APOBEC3G: variants seen among roughly 807,000 people sequenced by gnomAD.
APOBEC3G encodes the protein DNA dC->dU-editing enzyme APOBEC-3G.
In APOBEC3G, 44 loss-of-function variants were observed where a neutral mutation model predicts 50.0. The ratio of observed to expected loss-of-function variants is 0.88; its 90% CI spans 0.69 to 1.13. The LOEUF (loss-of-function observed/expected upper bound fraction) is 1.13. Among genes scored for constraint, APOBEC3G ranks in the 50% most tolerant of loss-of-function variants. APOBEC3G has a pLI of 0.00. For synonymous variants in APOBEC3G, 156 were observed against 175.3 expected (o/e 0.89, Z 0.87); for missense variants, 469 against 492.0 (o/e 0.95, Z 0.44).
chr22:39,087,368 G>A (rs1006810583), intron 7 of APOBEC3G, 39 bp from the exon 8 acceptor site: 6 of 1,613,754 alleles, frequency 3.7e-6, no homozygotes, highest in East Asian at 2.2e-5. Context: ...CTTTCCACTC[G>A]CTCACCCTTT....
At chr22:39,081,694 G>A in intron 4 of APOBEC3G, 109 bp downstream of exon 4, 1 of 869,356 alleles carries the variant, frequency 1.2e-6, no homozygotes, top group Non-Finnish European at 1.8e-6. Flanking sequence ...AGGCCCTCCT[G>A]CCTTCCCTCC....
In APOBEC3G at chr22:39,081,012, A is replaced by G; in HGVS notation, c.251A>G (p.Gln84Arg). The change falls in exon 3 of 8, where the codon CAG becomes CGG. Residue 84 changes from glutamine to arginine, a missense_variant. Coordinates refer to ENST00000407997, the MANE Select transcript of APOBEC3G (RefSeq NM_021822.4). ...FSKWRKLHRDQEYEVTWYISW... is the reference protein window; with the variant it reads ...FSKWRKLHRDREYEVTWYISW... ...AAGTGGAGGAAGCTGCATCGTGACC[A>G]GGAGTATGAGGTCACCTGGTACATA... is the stretch of plus-strand genomic sequence containing the variant. 1 of 1,614,126 alleles carries G rather than the reference A, an allele frequency of 6.2e-7. No individual in the cohort carries two copies. The highest frequency in any genetic ancestry group is 8.5e-7 in the Non-Finnish European group (1 of 1,180,034).
chr22:39,085,537 T>C lies in APOBEC3G; in HGVS notation c.736-742T>C, dbSNP rs116881454. On this transcript the variant is annotated intron_variant, in intron 5 of 7. Coordinates refer to ENST00000407997, the MANE Select transcript of APOBEC3G (RefSeq NM_021822.4). ...GTGCAGAATGAGAGGATGCTCCAAATACTCAGTATCAGAGAAATCTCATCG... is the reference window on the plus strand; with the variant it reads ...GTGCAGAATGAGAGGATGCTCCAAACACTCAGTATCAGAGAAATCTCATCG... 4.0e-4 allele frequency among the ~76,000 whole-genome samples: 61 copies of C among 152,336 alleles called. No homozygotes were observed. In the East Asian group the frequency reaches 9.4e-3, roughly 24 times the overall value.
intron 4 of APOBEC3G, 115 bp downstream of exon 4, chr22:39,081,700 C>T: frequency 1.3e-6 from 1 of 785,366 alleles, no homozygotes. Context: ...TCCTGCCTTC[C>T]CTCCTGCCCC....
In APOBEC3G at chr22:39,087,113, G is replaced by T. The variant is rs761903353; in HGVS notation, c.1127G>T (p.Arg376Leu). The T allele has an allele frequency of 2.5e-6, 4 of 1,613,952 alleles. No homozygotes were observed. The South Asian group carries it at 4.4e-5, about 18-fold the overall frequency. The change falls in exon 7 of 8, where the codon CGG (arginine) becomes CTG (leucine). Residue 376 changes from arginine (R) to leucine (L), a missense_variant. Coordinates refer to ENST00000407997, the MANE Select transcript of APOBEC3G (RefSeq NM_021822.4). ...AGCCAAGACCTGAGTGGGAGGCTGC[G>T]GGCCATTCTCCAGGTGAGGGCTTCT... ...EHSQDLSGRL[R>L]AILQNQEN
At chr22:39,077,080 A>G (rs1928182499), upstream of APOBEC3G, 1 of 573,900 alleles carries the variant, frequency 1.7e-6, no homozygotes, top group Admixed American at 3.0e-5. Context: ...TCCCTTTGCA[A>G]TTGCCTTGGG....
In APOBEC3G at chr22:39,080,756, T is replaced by C. The variant is rs959335121; in HGVS notation, c.172-177T>C. Reference sequence around the variant, plus strand: ...TTAAGGCCATTACCATAGCAATTAATACTGAACATGAGCTTTGGAGCAGAC... The same window carrying C: ...TTAAGGCCATTACCATAGCAATTAACACTGAACATGAGCTTTGGAGCAGAC... On this transcript the variant is annotated intron_variant, in intron 2 of 7. Transcript: ENST00000407997. The C allele has an allele frequency of 1.9e-4, 121 of 638,356 alleles. No individual in the cohort carries two copies. The South Asian group carries it at 2.3e-3, about 12-fold the overall frequency. The allele number at this position is 638,356 out of a possible 1,614,324, so 39.5% of individuals were successfully genotyped here.
intron 4 of APOBEC3G, chr22:39,082,775 G>C (rs1215771147): frequency 6.6e-6 from 1 of 152,280 alleles, no homozygotes; most frequent in Admixed American, 6.5e-5. Flanking sequence ...TGGGTGGGGA[G>C]TGCAGGGGTT....
intron 6 of APOBEC3G, 26 bp from the exon 7 acceptor site, chr22:39,086,985 G>A (rs1928723325): frequency 1.3e-6 from 2 of 1,578,390 alleles, no homozygotes; most frequent in Non-Finnish European, 1.7e-6. Context: ...GCGGGAGTGT[G>A]ACTTATCTCC....
rs1168174864 is a variant in APOBEC3G, at chr22:39,081,152, T to A, written c.391T>A (p.Tyr131Asn). Residue 131 changes from tyrosine to asparagine, a missense_variant, in exon 3 of 8, where the codon TAC becomes AAC. Transcript: ENST00000407997. ...CCTCTACTACTTCTGGGACCCAGAT[T>A]ACCAGGAGGCGCTTCGCAGCCTGTG... Reference protein sequence around the residue: ...ARLYYFWDPDYQEALRSLCQK... With the variant: ...ARLYYFWDPDNQEALRSLCQK... 1 of 1,614,110 alleles carries A rather than the reference T, an allele frequency of 6.2e-7. No individual in the cohort carries two copies. The highest frequency in any genetic ancestry group is 2.2e-5 in the East Asian group (1 of 44,904).
At position 39,087,695 on chromosome 22, in the gene APOBEC3G, A is replaced by T. The variant is rs55895657; in HGVS notation, c.*274A>T. The stretch of plus-strand genomic sequence containing the variant: ...ACCTACTAATCCAGCGACAATTTGA[A>T]TCGGTTTTGTAGGTAGAGGAATAAA... On this transcript the variant is annotated 3_prime_UTR_variant, in exon 8 of 8. Coordinates refer to ENST00000407997, the MANE Select transcript of APOBEC3G (RefSeq NM_021822.4). 819 of 558,352 alleles carry T rather than the reference A, an allele frequency of 1.5e-3. 1 individual carries two copies. The highest frequency in any genetic ancestry group is 5.5e-3 in the Middle Eastern group (11 of 1,982). The allele number at this position is 558,352 out of a possible 1,614,324, so 34.6% of individuals were successfully genotyped here. A position where few individuals can be genotyped will look rare whatever the true frequency, so the allele number is the denominator to read the frequency against.
chr22:39,083,981 A>C (rs1465835543), intron 5 of APOBEC3G, 97 bp downstream of exon 5: 14 of 1,431,462 alleles, frequency 9.8e-6, no homozygotes, highest in Non-Finnish European at 1.3e-5. Context: ...TGTCCTGCAG[A>C]GTGTCTGTCA....
chr22:39,084,609 G>A (rs1036348687), intron 5 of APOBEC3G, among the ~76,000 whole-genome samples: 2 of 152,152 alleles, frequency 1.3e-5, no homozygotes, highest in Admixed American at 6.5e-5. Context: ...ATTCAGAACT[G>A]TGGGATTTGA....
In APOBEC3G at chr22:39,081,458, T is replaced by C. The variant is rs748835644; in HGVS notation, c.467-13T>C. 3 of 1,613,266 alleles carry C rather than the reference T, an allele frequency of 1.9e-6. No homozygotes were observed. Among genetic ancestry groups the C allele is most frequent in the Non-Finnish European group, 2.5e-6 (3 of 1,179,264 alleles). ...CAGCTGGGCTTGACTGCGTTCTCTC[T>C]TCTTTTTCTTAGAATTTCAGCACTG... On this transcript the variant is annotated splice_polypyrimidine_tract_variant and intron_variant, in intron 3 of 7. Transcript: ENST00000407997.
At chr22:39,079,258 G>A (rs1363321417) in intron 2 of APOBEC3G, 173 bp downstream of exon 2, 33 of 916,278 alleles carry the variant, frequency 3.6e-5, no homozygotes, top group Non-Finnish European at 5.0e-5. Flanking sequence ...GGATCGGATC[G>A]TGGAGGGGGT....
At position 39,079,078 on chromosome 22, in the gene APOBEC3G, G is replaced by A. The variant is rs367793502; in HGVS notation, c.164G>A (p.Arg55Gln). Residue 55 changes from arginine to glutamine, a missense_variant, in exon 2 of 8, where the codon CGA becomes CAA. Transcript: ENST00000407997. ...CCCCCTTTGGACGCAAAGATCTTTC[G>A]AGGCCAGGTACCACCCGGACTCCAA... ...SRPPLDAKIF[R>Q]GQVYSELKYH... 6.2e-7 allele frequency: 1 copy of A among 1,614,068 alleles called. No homozygotes were observed. Among genetic ancestry groups the A allele is most frequent in the Non-Finnish European group, 8.5e-7 (1 of 1,179,994 alleles).
chr22:39,087,367 C>A (rs753435735), intron 7 of APOBEC3G, 40 bp from the exon 8 acceptor site: 1 of 1,613,970 alleles, frequency 6.2e-7, no homozygotes, highest in Non-Finnish European at 8.5e-7. Flanking sequence ...ACTTTCCACT[C>A]GCTCACCCTT....
In APOBEC3G at chr22:39,079,343, G is replaced by A. The variant is rs1928325658; in HGVS notation, c.171+258G>A. 4 of 431,448 alleles carry A rather than the reference G, an allele frequency of 9.3e-6. No homozygotes were observed. The Admixed American group carries it at 1.3e-4, about 14-fold the overall frequency. 26.7% of individuals were successfully genotyped at this position (431,448 alleles called of 1,614,324 possible). The stretch of plus-strand genomic sequence containing the variant: ...TTTTCTTTTTTTTTTTTGAGACAGA[G>A]TTTCACTCTTGTTGCTCAGGCTGGA... On this transcript the variant is annotated intron_variant, in intron 2 of 7. Coordinates refer to ENST00000407997, the MANE Select transcript of APOBEC3G (RefSeq NM_021822.4).
chr22:39,079,499 T>A lies in APOBEC3G; in HGVS notation c.171+414T>A, dbSNP rs539051398. On this transcript the variant is annotated intron_variant, in intron 2 of 7. Coordinates refer to ENST00000407997, the MANE Select transcript of APOBEC3G (RefSeq NM_021822.4). ...CGCCCAGCTGATTTTTTTTTTGTAT[T>A]TTTAGTACAGATGGGGTTTCACCAT... 7.1e-5 allele frequency: 12 copies of A among 168,944 alleles called. 1 individual carries two copies. The highest frequency in any genetic ancestry group is 1.5e-4 in the Non-Finnish European group (12 of 78,490). 10.5% of individuals were successfully genotyped at this position (168,944 alleles called of 1,614,324 possible). A position where few individuals can be genotyped will look rare whatever the true frequency, so the allele number is the denominator to read the frequency against.
Sources: allele counts gnomAD v4.1 joint callset (sites outside exome capture counted in the v4.1 genomes callset), GRCh38; gene constraint gnomAD v4.1.1; transcripts MANE v1.5; gene names NCBI Gene and HGNC (gene_info 2026-07-23, HGNC 2026-07-21).